STK32B: variants seen among roughly 807,000 people sequenced by gnomAD.
The protein encoded by STK32B is serine/threonine kinase 32B.
In STK32B, 43 loss-of-function variants were observed where a neutral mutation model predicts 52.6. The observed-to-expected ratio is 0.82, with a 90% confidence interval of 0.64 to 1.05. The LOEUF is 1.05. Ranked by LOEUF, STK32B falls within the 50% of genes least tolerant of loss-of-function variation. The pLI is 0.00. For missense variants in STK32B, 621 were observed against 534.6 expected (o/e 1.16, Z -1.59); for synonymous variants, 238 against 204.3 (o/e 1.17, Z -1.41).
intron 3 of STK32B, among the ~76,000 whole-genome samples, chr4:5,236,508 A>G (rs1350222403): frequency 4.6e-5 from 7 of 152,010 alleles, no homozygotes; most frequent in Non-Finnish European, 8.8e-5. Flanking sequence ...AAAAATTGCT[A>G]CTCTTGTGAC....
intron 4 of STK32B, among the ~76,000 whole-genome samples, chr4:5,344,342 T>C (rs1476917981): frequency 6.6e-6 from 1 of 152,200 alleles, no homozygotes; most frequent in African/African-American, 2.4e-5. Context: ...TGAAACCTAT[T>C]ACATAGTGTC....
At chr4:5,174,606 A>C (rs759821985) in intron 3 of STK32B, among the ~76,000 whole-genome samples, 69 of 152,184 alleles carry the variant, frequency 4.5e-4, no homozygotes, top group African/African-American at 1.0e-3. Flanking sequence ...AAATTCTTTT[A>C]TTTAAGAATG....
chr4:5,367,095 A>G (rs13435271), intron 4 of STK32B, among the ~76,000 whole-genome samples: 7,710 of 152,206 alleles, frequency 0.051, 309 homozygotes, highest in African/African-American at 0.1. Flanking sequence ...GCAGAAGAAA[A>G]AAAAGAAAAA....
intron 1 of STK32B, among the ~76,000 whole-genome samples, chr4:5,093,663 GTAAC>G (rs1380337845): frequency 1.3e-5 from 2 of 152,140 alleles, no homozygotes; most frequent in Admixed American, 1.3e-4. Flanking sequence ...GTATGCATAT[GTAAC>G]TAACCTGCAC....
At chr4:5,100,565 T>G (rs1560151170) in intron 1 of STK32B, among the ~76,000 whole-genome samples, 2 of 142,014 alleles carry the variant, frequency 1.4e-5, no homozygotes, top group East Asian at 4.4e-4. Flanking sequence ...CTTCCTTCCT[T>G]CCTCCTCCCT....
chr4:5,145,010 A>G (rs1320737272), intron 2 of STK32B, among the ~76,000 whole-genome samples: 1 of 152,236 alleles, frequency 6.6e-6, no homozygotes, highest in African/African-American at 2.4e-5. Flanking sequence ...CTCATAGTTT[A>G]TGGGTGTACA....
At chr4:5,133,197 G>C (rs184131258) in intron 1 of STK32B, among the ~76,000 whole-genome samples, 1 of 152,306 alleles carries the variant, frequency 6.6e-6, no homozygotes, top group East Asian at 1.9e-4. Context: ...GTTCACTGTT[G>C]GTTCCCGGTA....
chr4:5,049,779 G>C (rs1164462160), upstream of STK32B, among the ~76,000 whole-genome samples: 2 of 151,956 alleles, frequency 1.3e-5, no homozygotes, highest in African/African-American at 4.8e-5. Context: ...TACAGATGGG[G>C]TTTCTCCATA....
intron 4 of STK32B, among the ~76,000 whole-genome samples, chr4:5,358,964 C>T (rs1734363791): frequency 2.0e-5 from 3 of 152,120 alleles, no homozygotes; most frequent in Non-Finnish European, 4.4e-5. Flanking sequence ...TTGATAGGTA[C>T]AGATGGTGGA....
intron 3 of STK32B, among the ~76,000 whole-genome samples, chr4:5,181,329 G>GACACACATACACACACACACACAC (rs777338742): frequency 6.5e-5 from 9 of 138,122 alleles, no homozygotes; most frequent in African/African-American, 2.1e-4. Flanking sequence ...TGGAGAGTGA[G>GACACACATACACACACACACACAC]ACACACACAC....
chr4:5,485,367 C>G (rs923959757), intron 11 of STK32B, among the ~76,000 whole-genome samples: 1 of 152,116 alleles, frequency 6.6e-6, no homozygotes, highest in Non-Finnish European at 1.5e-5. Context: ...CCCTTTCTTC[C>G]AGTTGATCGA....
At chr4:5,403,353 A>G (rs954644747) in intron 5 of STK32B, among the ~76,000 whole-genome samples, 3 of 152,192 alleles carry the variant, frequency 2.0e-5, no homozygotes, top group Admixed American at 1.3e-4. Flanking sequence ...AGACCAGTCA[A>G]TCATAAGTCT....
At position 5,470,549 on chromosome 4, in the gene STK32B, C is replaced by T. The variant is rs1462551664; in HGVS notation, c.1106+2479C>T. ...CTGATAGGCTTCCTGTCACAGCAGG[C>T]GTGCAGGCTTACTGCCATATAAAGG... On this transcript the variant is annotated intron_variant, in intron 11 of 11. Coordinates refer to ENST00000282908, the MANE Select transcript of STK32B (RefSeq NM_018401.3). This position sits in a 1 kb window ranked among gnomAD's most constrained non-coding sequence, Gnocchi z 4.6. 6.6e-6 allele frequency among the ~76,000 whole-genome samples: 1 copy of T among 152,080 alleles called. No individual in the cohort carries two copies. Among genetic ancestry groups the T allele is most frequent in the African/African-American group, 2.4e-5 (1 of 41,408 alleles).
the STK32B span, among the ~76,000 whole-genome samples, chr4:5,033,410 T>C: frequency 6.6e-6 from 1 of 152,196 alleles, no homozygotes; most frequent in South Asian, 2.1e-4. Context: ...TGTTTTGGCC[T>C]GTGTCCTTTC....
At chr4:5,031,171 G>C in the STK32B span, among the ~76,000 whole-genome samples, 1 of 152,186 alleles carries the variant, frequency 6.6e-6, no homozygotes, top group East Asian at 1.9e-4. Context: ...AGTGTCATCT[G>C]CTTTATTTAA....
In STK32B at chr4:5,396,052, C is replaced by T. The variant is rs1313976773; in HGVS notation, c.435-2155C>T. 6.6e-6 allele frequency among the ~76,000 whole-genome samples: 1 copy of T among 152,244 alleles called. No individual in the cohort carries two copies. The highest frequency in any genetic ancestry group is 1.5e-5 in the Non-Finnish European group (1 of 68,048). On this transcript the variant is annotated intron_variant, in intron 4 of 11. Transcript: ENST00000282908. The surrounding 1 kb of genome is among the most constrained non-coding windows in gnomAD (Gnocchi z 4.7). ...TGAGGTTTGCCCTCAACTCTATCAG[C>T]TCTCCTTCCACCGTGCCAGTTGTGT...
intron 1 of STK32B, among the ~76,000 whole-genome samples, chr4:5,128,656 A>G (rs577208877): frequency 2.0e-5 from 3 of 152,336 alleles, no homozygotes; most frequent in East Asian, 1.9e-4. Flanking sequence ...CTGGCTGTCT[A>G]CTTCGTACCA....
intron 4 of STK32B, among the ~76,000 whole-genome samples, chr4:5,382,432 C>T (rs949935573): frequency 5.3e-5 from 8 of 152,072 alleles, no homozygotes; most frequent in African/African-American, 1.9e-4. Flanking sequence ...CACAATGTCG[C>T]CTTGGGGTCA....
intron 8 of STK32B, among the ~76,000 whole-genome samples, 177 bp downstream of exon 8, chr4:5,457,100 G>T (rs983521405): frequency 6.6e-6 from 1 of 152,144 alleles, no homozygotes; most frequent in Admixed American, 6.5e-5. Context: ...GGTGCGTGCA[G>T]ATCAGCACAC....
Sources: allele counts gnomAD v4.1 joint callset (sites outside exome capture counted in the v4.1 genomes callset), GRCh38; gene constraint gnomAD v4.1.1; non-coding constraint Gnocchi (gnomAD v3.1); transcripts MANE v1.5; gene names NCBI Gene and HGNC (gene_info 2026-07-23, HGNC 2026-07-21).